Variants in MAP2K2 observed in about 807,000 individuals in gnomAD.
MAP2K2 encodes the protein mitogen-activated protein kinase kinase 2, also known as dual specificity mitogen-activated protein kinase kinase 2.
A neutral mutation model predicts 43.7 loss-of-function variants in MAP2K2; 24 were observed. The observed-to-expected ratio is 0.55, with a 90% CI of 0.40 to 0.77. The LOEUF is 0.77. MAP2K2 is among the 30% of genes least tolerant of loss of function. MAP2K2 has a pLI of 0.00. For synonymous variants in MAP2K2, 244 were observed against 239.7 expected, an observed-to-expected ratio of 1.02 and a Z score of -0.17; for missense variants, 470 against 566.8, an observed-to-expected ratio of 0.83 and a Z score of 1.73.
chr19:4,091,670 AGACAG>A (rs2040856564), intron 10 of MAP2K2, among the ~76,000 whole-genome samples: 1 of 134,458 alleles, frequency 7.4e-6, no homozygotes, highest in Admixed American at 7.7e-5. Flanking sequence ...TTATTTTTTG[AGACAG>A]TCTTGCTCTG....
rs1362662872 is a variant in MAP2K2, at chr19:4,115,050, C to T, written c.303+2369G>A. Among the ~76,000 whole-genome samples, 1 of 152,216 alleles carries T rather than the reference C, an allele frequency of 6.6e-6. No homozygotes were observed. The highest frequency in any genetic ancestry group is 2.4e-5 in the African/African-American group (1 of 41,460). On this transcript the variant is annotated intron_variant, in intron 2 of 10. Coordinates refer to ENST00000262948, the MANE Select transcript of MAP2K2 (RefSeq NM_030662.4). This position sits in a 1 kb window ranked among gnomAD's most constrained non-coding sequence, Gnocchi z 4.1. ...ACGAGCTCAATGCATCCTCTCCCAC[C>T]CGAGTTTTCGGGCACTTTAAAGAAA...
chr19:4,111,567 CCTT>C (rs1228809862), intron 2 of MAP2K2, among the ~76,000 whole-genome samples: 1 of 152,178 alleles, frequency 6.6e-6, no homozygotes, highest in Non-Finnish European at 1.5e-5. Flanking sequence ...TTCTCCCTCT[CCTT>C]CAACCCAAGT....
Position 4,101,024 on chromosome 19 carries a change from T to C in MAP2K2, c.700A>G (p.Met234Val), listed in dbSNP as rs2040999934. 6.4e-7 allele frequency: 1 copy of C among 1,558,720 alleles called. No homozygotes were observed. Among genetic ancestry groups the C allele is most frequent in the Non-Finnish European group, 8.7e-7 (1 of 1,152,012 alleles). The change falls in exon 6 of 11, where the codon ATG (methionine) becomes GTG (valine). Residue 234 changes from methionine (M) to valine (V), a missense_variant. This residue lies in a region of MAP2K2 where 200 missense variants were observed against 297.9 expected (regional missense o/e 0.67). Coordinates refer to ENST00000262948, the MANE Select transcript of MAP2K2 (RefSeq NM_030662.4). This position sits in a 1 kb window ranked among gnomAD's most constrained non-coding sequence, Gnocchi z 6.3. ...GAGAGCCAGCGGGGACTCACAGCCATGTAGGAGCGCGTGCCCACGAAGGAG... is the reference window on the plus strand; with the variant it reads ...GAGAGCCAGCGGGGACTCACAGCCACGTAGGAGCGCGTGCCCACGAAGGAG... Reference protein sequence around the residue: ...ANSFVGTRSYMAPERLQGTHY... With the variant: ...ANSFVGTRSYVAPERLQGTHY...
chr19:4,123,567 CCTCCCCCGAGGGCCCCCTGCCCCGT>C, intron 1 of MAP2K2, among the ~76,000 whole-genome samples, 192 bp downstream of exon 1: 1 of 84,066 alleles, frequency 1.2e-5, no homozygotes, highest in African/African-American at 6.6e-5. Context: ...CCTGCCCCGT[CCTCCCCCGAGGGCCCCCTGCCCCGT>C]CCTCCCCCGA....
At chr19:4,105,658 T>C (rs539607559) in intron 3 of MAP2K2, among the ~76,000 whole-genome samples, 18 of 152,120 alleles carry the variant, frequency 1.2e-4, no homozygotes, top group African/African-American at 3.9e-4. Context: ...AAGTGTGACT[T>C]ATATTGTTCC....
At chr19:4,095,876 G>A (rs1399293349) in intron 8 of MAP2K2, among the ~76,000 whole-genome samples, 1 of 152,214 alleles carries the variant, frequency 6.6e-6, no homozygotes, top group Non-Finnish European at 1.5e-5. Context: ...CGGGGTTCAA[G>A]GGATTCTCCA....
intron 1 of MAP2K2, among the ~76,000 whole-genome samples, chr19:4,119,275 A>AC (rs2041264535): frequency 6.6e-6 from 1 of 152,086 alleles, no homozygotes; most frequent in African/African-American, 2.4e-5. Context: ...AGGCTGGAGT[A>AC]CAGTGGTGTG....
At chr19:4,093,007 G>A (rs1170779487) in intron 10 of MAP2K2, among the ~76,000 whole-genome samples, 1 of 152,100 alleles carries the variant, frequency 6.6e-6, no homozygotes, top group Non-Finnish European at 1.5e-5. Flanking sequence ...TCAGGAGTTC[G>A]AGACCAGCCT....
Position 4,099,961 on chromosome 19 carries a change from C to T in MAP2K2, c.706-547G>A, listed in dbSNP as rs1247660214. On this transcript the variant is annotated intron_variant, in intron 6 of 10. Transcript: ENST00000262948. Reference sequence around the variant, plus strand: ...CTAAAAACATTTTTTTAAAAGTTAGCCAAGGCTGCCGGGCACGGTGGCTCA... The same window carrying T: ...CTAAAAACATTTTTTTAAAAGTTAGTCAAGGCTGCCGGGCACGGTGGCTCA... 2.9e-5 allele frequency: 5 copies of T among 172,660 alleles called. No individual in the cohort carries two copies. In the East Asian group the frequency reaches 5.4e-4, roughly 19 times the overall value. The allele number at this position is 172,660 out of a possible 1,614,324, so 10.7% of individuals were successfully genotyped here.
intron 3 of MAP2K2, chr19:4,103,365 G>A (rs1334322772): frequency 8.0e-6 from 5 of 624,840 alleles, no homozygotes; most frequent in African/African-American, 8.0e-5. Context: ...CCCAGGCACT[G>A]GGAGCCACCC....
chr19:4,096,514 G>A (rs545919211), intron 8 of MAP2K2, among the ~76,000 whole-genome samples: 8 of 152,330 alleles, frequency 5.3e-5, no homozygotes, highest in African/African-American at 1.7e-4. Flanking sequence ...AGGAGGCCGC[G>A]TCCCTCCTTG....
intron 10 of MAP2K2, 44 bp from the exon 11 acceptor site, chr19:4,090,752 A>G (rs1214392361): frequency 7.4e-7 from 1 of 1,358,938 alleles, no homozygotes; most frequent in Non-Finnish European, 1.0e-6. Context: ...CTGGAGTCAC[A>G]GTAGGACGGG....
chr19:4,110,475 G>GCCCTGC (rs753323316), intron 3 of MAP2K2, 34 bp downstream of exon 3: 82 of 1,610,148 alleles, frequency 5.1e-5, no homozygotes, highest in Non-Finnish European at 6.4e-5. Flanking sequence ...TTCCGTGGAG[G>GCCCTGC]CCCTGCCCCT....
At chr19:4,111,160 G>A (rs1481054431) in intron 2 of MAP2K2, among the ~76,000 whole-genome samples, 1 of 152,178 alleles carries the variant, frequency 6.6e-6, no homozygotes, top group South Asian at 2.1e-4. Flanking sequence ...CTGCTGATGT[G>A]GACAGGGTTC....
intron 6 of MAP2K2, chr19:4,100,428 TCAAAAA>T (rs1362556237): frequency 1.9e-4 from 4 of 21,496 alleles, no homozygotes; most frequent in African/African-American, 9.4e-4. Flanking sequence ...AGACTCTGTC[TCAAAAA>T]AAAAAAAAAA....
At chr19:4,104,325 G>C (rs1183135191) in intron 3 of MAP2K2, among the ~76,000 whole-genome samples, 1 of 151,168 alleles carries the variant, frequency 6.6e-6, no homozygotes, top group Non-Finnish European at 1.5e-5. Context: ...TACCACTTTG[G>C]GAGGCCAAAG....
rs1449613641 is a variant in MAP2K2 at position 4,110,663 on chromosome 19, G to A, written c.304-8C>T. On this transcript the variant is annotated splice_polypyrimidine_tract_variant and splice_region_variant and intron_variant, in intron 2 of 10. Transcript: ENST00000262948. ...GATCTCAAGGTGGATCAGCTGCAAG[G>A]GGAGAGGGGCGAGACTGGCTTGGGG... The A allele has an allele frequency of 6.2e-7, 1 of 1,611,168 alleles. No individual in the cohort carries two copies. The highest frequency in any genetic ancestry group is 8.5e-7 in the Non-Finnish European group (1 of 1,179,106).
At chr19:4,121,070 C>A (rs527848563) in intron 1 of MAP2K2, among the ~76,000 whole-genome samples, 1 of 152,090 alleles carries the variant, frequency 6.6e-6, no homozygotes, top group East Asian at 1.9e-4. Context: ...ATCGCCCTGC[C>A]CTGCCTCGGC....
intron 2 of MAP2K2, among the ~76,000 whole-genome samples, chr19:4,114,718 A>G (rs777670865): frequency 2.0e-5 from 3 of 152,094 alleles, no homozygotes; most frequent in Non-Finnish European, 4.4e-5. Flanking sequence ...GGAGGCCAAG[A>G]TGCATGGATT....
Sources: gnomAD v4.1 joint callset for allele counts (sites outside exome capture counted in the v4.1 genomes callset) on GRCh38, gnomAD v4.1.1 for gene constraint, gnomAD v4.1.1 regional missense constraint, Gnocchi (gnomAD v3.1) non-coding constraint, MANE v1.5 for transcripts, NCBI Gene and HGNC (gene_info 2026-07-23, HGNC 2026-07-21) for gene names.